ZNF880: variants seen among roughly 807,000 people sequenced by gnomAD.
The protein encoded by ZNF880 is zinc finger protein LOC400713.
ZNF880 carries 12 observed loss-of-function variants against 11.8 expected under a neutral mutation model. That is an observed-to-expected ratio of 1.02 (90% CI 0.65 to 1.65). The LOEUF (loss-of-function observed/expected upper bound fraction) is 1.65. Ranked by LOEUF, ZNF880 falls within the 40% of genes most tolerant of loss-of-function variation. The pLI, the probability that ZNF880 is intolerant of heterozygous loss-of-function variation, is 0.00. For missense variants in ZNF880, 601 were observed against 673.9 expected (o/e 0.89, Z 1.20); for synonymous variants, 210 against 232.4 (o/e 0.90, Z 0.88).
Position 52,384,137 on chromosome 19 carries a change from G to T in ZNF880, c.557G>T (p.Cys186Phe). ...CAAATAAGGGAAAAACCGTGTGAATGTAATGAGCATGGCAAAGCCTTTAGA... is the reference window on the plus strand; with the variant it reads ...CAAATAAGGGAAAAACCGTGTGAATTTAATGAGCATGGCAAAGCCTTTAGA... Reference protein sequence around the residue: ...KAQIREKPCECNEHGKAFRVS... With the variant: ...KAQIREKPCEFNEHGKAFRVS... Residue 186 changes from cysteine (C) to phenylalanine (F), a missense_variant, in exon 4 of 4, where the codon TGT (cysteine) becomes TTT (phenylalanine). Coordinates refer to ENST00000422689, the MANE Select transcript of ZNF880 (RefSeq NM_001145434.2). 6.2e-7 allele frequency: 1 copy of T among 1,604,678 alleles called. No homozygotes were observed. Among genetic ancestry groups the T allele is most frequent in the African/African-American group, 1.3e-5 (1 of 74,840 alleles).
At chr19:52,388,282 C>CTTTTTTTTTTTTTTTTTTTTTTTT (rs68179783), downstream of ZNF880, among the ~76,000 whole-genome samples, 22 of 63,414 alleles carry the variant, frequency 3.5e-4, 7 homozygotes, top group African/African-American at 7.9e-4. Context: ...GCAATTTGAA[C>CTTTTTTTTTTTTTTTTTTTTTTTT]TTTTTTTTTT....
intron 1 of ZNF880, 167 bp downstream of exon 1, chr19:52,370,144 T>A: frequency 2.3e-6 from 2 of 870,582 alleles, no homozygotes; most frequent in Non-Finnish European, 3.7e-6. Context: ...CCCTGAGTGT[T>A]AAAATCGCTC....
intron 3 of ZNF880, among the ~76,000 whole-genome samples, chr19:52,377,446 T>G (rs571338166): frequency 6.6e-6 from 1 of 152,286 alleles, no homozygotes; most frequent in African/African-American, 2.4e-5. Flanking sequence ...GGCCATCTAA[T>G]AGTTTTCTAT....
downstream of ZNF880, chr19:52,390,318 C>T (rs1348239717): frequency 1.3e-5 from 5 of 396,922 alleles, no homozygotes; most frequent in East Asian, 2.0e-4. Context: ...TGGAGCGCAG[C>T]GACGCAGCCC....
chr19:52,370,089 C>G lies in ZNF880; in HGVS notation c.12+112C>G. The G allele has an allele frequency of 2.2e-6, 3 of 1,370,452 alleles. No individual in the cohort carries two copies. The South Asian group carries it at 3.7e-5, about 17-fold the overall frequency. 84.9% of individuals were successfully genotyped at this position (1,370,452 alleles called of 1,614,324 possible). Reference sequence around the variant, plus strand: ...TGAAATCCCCGCATCGCTCCCTCCACCCCGACTAAACTCAGACGTTCTAAT... The same window carrying G: ...TGAAATCCCCGCATCGCTCCCTCCAGCCCGACTAAACTCAGACGTTCTAAT... On this transcript the variant is annotated intron_variant, in intron 1 of 3. Transcript: ENST00000422689.
At chr19:52,388,025 G>A (rs913691914), downstream of ZNF880, among the ~76,000 whole-genome samples, 34 of 137,870 alleles carry the variant, frequency 2.5e-4, 3 homozygotes, top group Middle Eastern at 3.4e-3. Flanking sequence ...GACTACAGGC[G>A]CGCACCACCA....
chr19:52,377,966 A>AT (rs1568662302), intron 3 of ZNF880, among the ~76,000 whole-genome samples: 2 of 152,074 alleles, frequency 1.3e-5, no homozygotes, highest in East Asian at 1.9e-4. Flanking sequence ...TAGTTCAGGG[A>AT]TTTTTTATGG....
Position 52,384,667 on chromosome 19 carries a change from C to A in ZNF880, c.1087C>A (p.Arg363=). 3 of 1,610,840 alleles carry A rather than the reference C, an allele frequency of 1.9e-6. No individual in the cohort carries two copies. Among genetic ancestry groups the A allele is most frequent in the African/African-American group, 1.3e-5 (1 of 74,378 alleles). Residue 363 remains arginine (R), a synonymous_variant, in exon 4 of 4, where the codon CGA becomes AGA. Transcript: ENST00000422689. ...KCNKCGKVFN[R]NAHLTRHQRI... Reference sequence around the variant, plus strand: ...TAATAAATGTGGCAAGGTCTTCAATCGAAATGCACACCTTACCAGACATCA... The same window carrying A: ...TAATAAATGTGGCAAGGTCTTCAATAGAAATGCACACCTTACCAGACATCA...
downstream of ZNF880, among the ~76,000 whole-genome samples, chr19:52,388,118 T>C (rs1568667461): frequency 1.9e-5 from 2 of 106,678 alleles, no homozygotes; most frequent in South Asian, 2.5e-4. Context: ...GACCTTGTGA[T>C]CCACCCGCCT....
chr19:52,368,195 G>T (rs191871500), upstream of ZNF880, among the ~76,000 whole-genome samples: 1 of 115,536 alleles, frequency 8.7e-6, no homozygotes, highest in Non-Finnish European at 1.7e-5. Flanking sequence ...ACAGAGCAAG[G>T]CTCCGTCTCA....
chr19:52,385,289 A>T lies in ZNF880; in HGVS notation c.1709A>T (p.His570Leu). ...AACCTGGCAAATCATCACAGAATCC[A>T]TACTGGAGAGAAACCGTACAGATGA... Reference protein sequence around the residue: ...NSNLANHHRIHTGEKPYR With the variant: ...NSNLANHHRILTGEKPYR The change falls in exon 4 of 4, where the codon CAT becomes CTT. Residue 570 changes from histidine to leucine, a missense_variant. Coordinates refer to ENST00000422689, the MANE Select transcript of ZNF880 (RefSeq NM_001145434.2). 6 of 1,552,076 alleles carry T rather than the reference A, an allele frequency of 3.9e-6. No individual in the cohort carries two copies. Among genetic ancestry groups the T allele is most frequent in the Non-Finnish European group, 5.2e-6 (6 of 1,147,202 alleles).
the ZNF880 span, among the ~76,000 whole-genome samples, chr19:52,393,689 C>A: frequency 1.3e-5 from 2 of 151,662 alleles, no homozygotes; most frequent in East Asian, 3.9e-4. Context: ...TTGTATAATT[C>A]ATATTGCTTT....
rs1171601134 is a variant in ZNF880 at position 52,374,285 on chromosome 19, C to G, written c.140-14C>G. The G allele has an allele frequency of 6.2e-7, 1 of 1,604,848 alleles. No individual in the cohort carries two copies. Among genetic ancestry groups the G allele is most frequent in the Non-Finnish European group, 8.5e-7 (1 of 1,175,662 alleles). On this transcript the variant is annotated splice_polypyrimidine_tract_variant and intron_variant, in intron 2 of 3. Coordinates refer to ENST00000422689, the MANE Select transcript of ZNF880 (RefSeq NM_001145434.2). ...AGCCAGGATAGTCTTGATATTCTTTCTTTTTTTAAATAGGAATCTGTCTTC... is the reference window on the plus strand; with the variant it reads ...AGCCAGGATAGTCTTGATATTCTTTGTTTTTTTAAATAGGAATCTGTCTTC...
At chr19:52,375,951 T>G (rs1986539495) in intron 3 of ZNF880, among the ~76,000 whole-genome samples, 1 of 152,224 alleles carries the variant, frequency 6.6e-6, no homozygotes, top group South Asian at 2.1e-4. Context: ...TTAGTTCATT[T>G]AGAATAATGG....
intron 3 of ZNF880, among the ~76,000 whole-genome samples, chr19:52,376,215 C>T (rs937773478): frequency 6.6e-6 from 1 of 152,062 alleles, no homozygotes; most frequent in Admixed American, 6.6e-5. Flanking sequence ...GGTAGATCTA[C>T]TTTTAGTCCT....
the ZNF880 span, among the ~76,000 whole-genome samples, chr19:52,394,350 C>T: frequency 6.6e-6 from 1 of 152,060 alleles, no homozygotes; most frequent in South Asian, 2.1e-4. Context: ...ATCCTCCCAC[C>T]TCAGCTTCCC....
downstream of ZNF880, among the ~76,000 whole-genome samples, chr19:52,387,201 G>C (rs12978111): frequency 0.46 from 65,820 of 142,856 alleles, 19,706 homozygotes; most frequent in Middle Eastern, 0.58. Context: ...GACGCATCCA[G>C]AACAATTTTG....
chr19:52,384,121 GA>G lies in ZNF880; in HGVS notation c.546del (p.Lys182AsnfsTer23). Reference sequence around the variant, plus strand: ...ACAAGAACAAAAAGCACAAATAAGGGAAAAACCGTGTGAATGTAATGAGCAT... The same window carrying G: ...ACAAGAACAAAAAGCACAAATAAGGGAAAACCGTGTGAATGTAATGAGCAT... Reference protein sequence around the residue: ...LPQEQKAQIREKPCECNEHGK... With the variant: ...LPQEQKAQIRXKPCECNEHGK... On this transcript the variant is annotated frameshift_variant, in exon 4 of 4. Transcript: ENST00000422689. LOFTEE classifies it low-confidence loss of function (END_TRUNC). 2 of 1,600,672 alleles carry G rather than the reference GA, an allele frequency of 1.2e-6. No homozygotes were observed. Among genetic ancestry groups the G allele is most frequent in the Admixed American group, 1.8e-5 (1 of 56,984 alleles).
chr19:52,373,074 G>T, intron 1 of ZNF880, 37 bp from the exon 2 acceptor site: 2 of 1,608,740 alleles, frequency 1.2e-6, no homozygotes, highest in South Asian at 2.2e-5. Context: ...CTCATTTTGT[G>T]TGATATCCTG....
Sources: allele counts gnomAD v4.1 joint callset (sites outside exome capture counted in the v4.1 genomes callset), GRCh38; gene constraint gnomAD v4.1.1; transcripts MANE v1.5; gene names NCBI Gene and HGNC (gene_info 2026-07-23, HGNC 2026-07-21).